MVB12B: variants seen among roughly 807,000 people sequenced by gnomAD.
MVB12B encodes multivesicular body subunit 12B, also known as ESCRT-I complex subunit MVB12B.
In MVB12B, 16 loss-of-function variants were observed where a neutral mutation model predicts 41.6. That is an observed-to-expected ratio of 0.38 (90% CI 0.26 to 0.58). MVB12B has a LOEUF of 0.58. Among genes scored for constraint, MVB12B ranks in the 20% least tolerant of loss-of-function variants. The pLI is 0.62. For missense variants in MVB12B, 274 were observed against 380.2 expected (o/e 0.72, Z 2.32); for synonymous variants, 133 against 139.7 (o/e 0.95, Z 0.34).
chr9:126,393,126 C>T (rs1831007677), intron 5 of MVB12B, among the ~76,000 whole-genome samples: 1 of 152,230 alleles, frequency 6.6e-6, no homozygotes, highest in Admixed American at 6.5e-5. Context: ...ATACTTACTA[C>T]AGTGAAATCC....
intron 7 of MVB12B, among the ~76,000 whole-genome samples, chr9:126,469,288 G>A (rs1833265620): frequency 6.6e-6 from 1 of 152,222 alleles, no homozygotes; most frequent in Admixed American, 6.5e-5. Context: ...CCACTACCAA[G>A]GCTTGCTCTG....
chr9:126,442,444 G>A (rs1832663658), intron 7 of MVB12B, among the ~76,000 whole-genome samples: 2 of 152,084 alleles, frequency 1.3e-5, no homozygotes, highest in African/African-American at 4.8e-5. Flanking sequence ...GTTCAGAATG[G>A]GACTAAAGTC....
intron 2 of MVB12B, among the ~76,000 whole-genome samples, chr9:126,375,010 T>C (rs1395660142): frequency 6.6e-6 from 1 of 152,198 alleles, no homozygotes; most frequent in African/African-American, 2.4e-5. Flanking sequence ...CCTAGAGGCA[T>C]TTATTTTCCA....
At chr9:126,413,849 T>TGTGCGTGTGTGTGC (rs148914544) in intron 6 of MVB12B, among the ~76,000 whole-genome samples, 8 of 148,516 alleles carry the variant, frequency 5.4e-5, no homozygotes, top group African/African-American at 1.7e-4. Context: ...TGTGTGTGTG[T>TGTGCGTGTGTGTGC]GTGTATAAGG....
At chr9:126,446,747 A>G (rs1225882242) in intron 7 of MVB12B, among the ~76,000 whole-genome samples, 1 of 151,776 alleles carries the variant, frequency 6.6e-6, no homozygotes, top group Admixed American at 6.6e-5. Flanking sequence ...AAGAGTTTGT[A>G]TTTATCTTAA....
intron 7 of MVB12B, among the ~76,000 whole-genome samples, chr9:126,430,493 A>G (rs1319040790): frequency 2.0e-5 from 3 of 151,568 alleles, no homozygotes; most frequent in Admixed American, 6.6e-5. Context: ...TTTACCCCAC[A>G]CTACTCTGTT....
chr9:126,396,548 C>T (rs1007153537), intron 6 of MVB12B: 17 of 985,388 alleles, frequency 1.7e-5, no homozygotes, highest in Non-Finnish European at 1.8e-5. Context: ...ACCAGTAGGT[C>T]TTCCTGGGCC....
intron 7 of MVB12B, among the ~76,000 whole-genome samples, chr9:126,437,390 A>G (rs1161420009): frequency 6.6e-6 from 1 of 152,244 alleles, no homozygotes; most frequent in African/African-American, 2.4e-5. Context: ...CGGAACTGAT[A>G]TTAGACTCCT....
At chr9:126,357,421 C>T (rs1829911744) in intron 2 of MVB12B, among the ~76,000 whole-genome samples, 1 of 152,182 alleles carries the variant, frequency 6.6e-6, no homozygotes, top group Non-Finnish European at 1.5e-5. Context: ...TTAAAAGAAA[C>T]TGCCAAATTA....
chr9:126,332,958 G>C (rs143580694), intron 1 of MVB12B, among the ~76,000 whole-genome samples: 1 of 152,212 alleles, frequency 6.6e-6, no homozygotes, highest in African/African-American at 2.4e-5. Context: ...ATGTGTGCAC[G>C]AGTGCATGTG....
rs142076731 is a variant in MVB12B, at chr9:126,386,637, A to G, written c.388A>G (p.Ile130Val). The G allele has an allele frequency of 4.8e-5, 78 of 1,613,736 alleles. No homozygotes were observed. Among genetic ancestry groups the G allele is most frequent in the Non-Finnish European group, 6.1e-5 (72 of 1,179,656 alleles). Residue 130 changes from isoleucine to valine, a missense_variant, in exon 4 of 10, where the codon ATT (isoleucine) becomes GTT (valine). Physicochemically the swap from Ile to Val is conservative, Grantham distance 29. Transcript: ENST00000361171. The surrounding 1 kb of genome is among the most constrained non-coding windows in gnomAD (Gnocchi z 4.3). Reference protein sequence around the residue: ...KDTLPVGFIPIQETVDTQEVA... With the variant: ...KDTLPVGFIPVQETVDTQEVA... ...CACACTGCCTGTGGGCTTCATCCCA[A>G]TTCAGGAGACGGTGGACACACGTGA... is the stretch of plus-strand genomic sequence containing the variant.
rs700119 is a variant in MVB12B, at chr9:126,333,046, T to A, written c.81+6036T>A. ...GGTGGCACCTGTCTGACTGGGAAAT[T>A]GGAGAAAGTTTGAGGGGAATGGAAG... is the stretch of plus-strand genomic sequence containing the variant. On this transcript the variant is annotated intron_variant, in intron 1 of 9. Coordinates refer to ENST00000361171, the MANE Select transcript of MVB12B (RefSeq NM_033446.3). The surrounding 1 kb of genome is among the most constrained non-coding windows in gnomAD (Gnocchi z 4.7). Among the ~76,000 whole-genome samples the A allele has an allele frequency of 0.18, 26,792 of 152,074 alleles. 2,471 individuals carry two copies. The highest frequency in any genetic ancestry group is 0.24 in the Middle Eastern group (70 of 294).
In MVB12B at chr9:126,367,686, C is replaced by G. The variant is rs969662185; in HGVS notation, c.205-13378C>G. Among the ~76,000 whole-genome samples the G allele has an allele frequency of 3.3e-5, 5 of 152,224 alleles. No homozygotes were observed. Among genetic ancestry groups the G allele is most frequent in the Non-Finnish European group, 7.3e-5 (5 of 68,046 alleles). ...CACCAAATATCCATACTGTGTCTGC[C>G]CCTGCACTAGTTGCTTCCACACACA... On this transcript the variant is annotated intron_variant, in intron 2 of 9. Coordinates refer to ENST00000361171, the MANE Select transcript of MVB12B (RefSeq NM_033446.3). This position sits in a 1 kb window ranked among gnomAD's most constrained non-coding sequence, Gnocchi z 4.3.
chr9:126,329,139 T>C (rs900584606), intron 1 of MVB12B, among the ~76,000 whole-genome samples: 2 of 152,134 alleles, frequency 1.3e-5, no homozygotes, highest in Non-Finnish European at 2.9e-5. Context: ...GAAAGAACAC[T>C]GGACTTGGAT....
chr9:126,352,667 G>A (rs1024371786), intron 2 of MVB12B, among the ~76,000 whole-genome samples: 10 of 152,182 alleles, frequency 6.6e-5, no homozygotes, highest in African/African-American at 2.4e-4. Context: ...ACCTTTCAGA[G>A]TCTTCTGGTG....
At chr9:126,496,177 C>T (rs375512233) in intron 9 of MVB12B, among the ~76,000 whole-genome samples, 31 of 151,234 alleles carry the variant, frequency 2.0e-4, no homozygotes, top group African/African-American at 6.8e-4. Flanking sequence ...CACTCACCAT[C>T]GACTTGTCCA....
At chr9:126,393,123 C>G (rs1415302883) in intron 5 of MVB12B, among the ~76,000 whole-genome samples, 1 of 152,228 alleles carries the variant, frequency 6.6e-6, no homozygotes, top group Non-Finnish European at 1.5e-5. Flanking sequence ...TAAATACTTA[C>G]TACAGTGAAA....
intron 6 of MVB12B, among the ~76,000 whole-genome samples, chr9:126,413,903 C>T (rs907081271): frequency 4.6e-5 from 7 of 151,610 alleles, no homozygotes; most frequent in East Asian, 3.9e-4. Context: ...ATGAGTGCGC[C>T]TCTGCCTTGC....
chr9:126,457,308 A>AG (rs1833003481), intron 7 of MVB12B, among the ~76,000 whole-genome samples: 1 of 152,144 alleles, frequency 6.6e-6, no homozygotes, highest in African/African-American at 2.4e-5. Flanking sequence ...TGTCACTTCA[A>AG]GGGAGGTACT....
Sources: allele counts gnomAD v4.1 joint callset (sites outside exome capture counted in the v4.1 genomes callset), GRCh38; gene constraint gnomAD v4.1.1; non-coding constraint Gnocchi (gnomAD v3.1); transcripts MANE v1.5; gene names NCBI Gene and HGNC (gene_info 2026-07-23, HGNC 2026-07-21).